GLIS3: variants seen among roughly 807,000 people sequenced by gnomAD.
GLIS3 encodes the protein zinc finger protein GLIS3.
Under a neutral mutation model 78.6 loss-of-function variants are expected in GLIS3, and 53 were observed. The observed-to-expected ratio is 0.67, with a 90% CI of 0.54 to 0.85. The LOEUF (loss-of-function observed/expected upper bound fraction) is 0.85. Among genes scored for constraint, GLIS3 ranks in the 40% least tolerant of loss-of-function variants. The pLI is 0.00. For synonymous variants in GLIS3, 684 were observed against 509.9 expected (o/e 1.34, Z -4.60); for missense variants, 1,703 against 1,231.1 (o/e 1.38, Z -5.74).
chr9:4,198,247 C>G (rs899273075), intron 2 of GLIS3, among the ~76,000 whole-genome samples: 1 of 152,048 alleles, frequency 6.6e-6, no homozygotes, highest in Non-Finnish European at 1.5e-5. Flanking sequence ...AAAAGCAACA[C>G]AAAGAAACTT....
chr9:4,444,327 T>A, the GLIS3 span, among the ~76,000 whole-genome samples: 2 of 152,216 alleles, frequency 1.3e-5, no homozygotes, highest in African/African-American at 2.4e-5. Flanking sequence ...TGTCCTTCTG[T>A]CCTCCCCATC....
chr9:4,374,555 G>A, the GLIS3 span, among the ~76,000 whole-genome samples: 5 of 152,300 alleles, frequency 3.3e-5, no homozygotes, highest in South Asian at 1.0e-3. Flanking sequence ...CACACATGGC[G>A]GCTGTCTCTC....
chr9:4,007,897 T>TG (rs397893258), intron 4 of GLIS3, among the ~76,000 whole-genome samples: 1,528 of 40,696 alleles, frequency 0.038, 19 homozygotes, highest in Middle Eastern at 0.11. Flanking sequence ...GGGTGGGCGT[T>TG]GGGGGGGGGG....
chr9:3,884,540 G>C (rs933883173), intron 7 of GLIS3, among the ~76,000 whole-genome samples: 1 of 152,200 alleles, frequency 6.6e-6, no homozygotes, highest in African/African-American at 2.4e-5. Flanking sequence ...GGGGTGCTGA[G>C]GCTGCTGGTA....
At chr9:4,343,445 ATGCTTATACAC>A (rs1817862023) in intron 2 of GLIS3, among the ~76,000 whole-genome samples, 1 of 152,240 alleles carries the variant, frequency 6.6e-6, no homozygotes, top group South Asian at 2.1e-4. Context: ...AGAAAAAGGA[ATGCTTATACAC>A]TGCTGGCAGA....
At chr9:4,108,115 G>C (rs918698908) in intron 4 of GLIS3, among the ~76,000 whole-genome samples, 2 of 152,180 alleles carry the variant, frequency 1.3e-5, no homozygotes, top group African/African-American at 4.8e-5. Flanking sequence ...AGCTCTGAGG[G>C]TGATAGTGAG....
chr9:4,019,209 C>A (rs1001225756), intron 4 of GLIS3, among the ~76,000 whole-genome samples: 1 of 152,156 alleles, frequency 6.6e-6, no homozygotes, highest in African/African-American at 2.4e-5. Flanking sequence ...TATGGAATGG[C>A]GTTTAAAGTT....
chr9:4,415,777 A>G, the GLIS3 span, among the ~76,000 whole-genome samples: 1 of 144,764 alleles, frequency 6.9e-6, no homozygotes, highest in African/African-American at 2.6e-5. Flanking sequence ...TCATATACAT[A>G]TTTTTTAAAA....
At chr9:4,142,996 G>A (rs959970203) in intron 2 of GLIS3, among the ~76,000 whole-genome samples, 1 of 151,930 alleles carries the variant, frequency 6.6e-6, no homozygotes, top group South Asian at 2.1e-4. Flanking sequence ...TAGCTGTTGG[G>A]TACTAGTTAG....
the GLIS3 span, among the ~76,000 whole-genome samples, chr9:4,448,351 C>T: frequency 0.048 from 7,248 of 152,278 alleles, 243 homozygotes; most frequent in Non-Finnish European, 0.072. Context: ...GCCACTCAGG[C>T]AGCCAGAACC....
intron 2 of GLIS3, among the ~76,000 whole-genome samples, chr9:4,133,437 G>C (rs1333135718): frequency 6.6e-6 from 1 of 152,152 alleles, no homozygotes; most frequent in Non-Finnish European, 1.5e-5. Context: ...CTCGACACTT[G>C]GGTACTAAAA....
intron 8 of GLIS3, among the ~76,000 whole-genome samples, chr9:3,875,231 G>C (rs1821236142): frequency 6.6e-6 from 1 of 152,206 alleles, no homozygotes; most frequent in Non-Finnish European, 1.5e-5. Context: ...TAATAAGTTA[G>C]ATCAACATTA....
chr9:4,013,150 G>T (rs553495997), intron 4 of GLIS3, among the ~76,000 whole-genome samples: 1 of 151,978 alleles, frequency 6.6e-6, no homozygotes, highest in South Asian at 2.1e-4. Flanking sequence ...TGCCTGTAAG[G>T]AAATTTGGGT....
Position 3,991,683 on chromosome 9 carries a change from A to AATTTTTTTTTTTTTTTTTTTTT in GLIS3, c.1711-54495_1711-54494insAAAAAAAAAAAAAAAAAAAAAT, listed in dbSNP as rs1265317427. On this transcript the variant is annotated intron_variant, in intron 4 of 10. Transcript: ENST00000381971. The stretch of plus-strand genomic sequence containing the variant: ...GTTCAGAATTTCATTAAGTAGGCTG[A>AATTTTTTTTTTTTTTTTTTTTT]TTTTTTTTTTTTTTTTTTTTTTTTT... 5.3e-4 allele frequency among the ~76,000 whole-genome samples: 47 copies of AATTTTTTTTTTTTTTTTTTTTT among 87,896 alleles called. 5 individuals are homozygous for AATTTTTTTTTTTTTTTTTTTTT. The highest frequency in any genetic ancestry group is 1.7e-3 in the African/African-American group (32 of 18,976). 57.7% of individuals were successfully genotyped at this position (87,896 alleles called of 152,430 possible). A position where few individuals can be genotyped will look rare whatever the true frequency, so the allele number is the denominator to read the frequency against.
upstream of GLIS3, among the ~76,000 whole-genome samples, chr9:4,304,890 CT>C (rs1817189967): frequency 6.6e-6 from 1 of 152,166 alleles, no homozygotes; most frequent in Non-Finnish European, 1.5e-5. Flanking sequence ...CATTTCTTTT[CT>C]TGTTTAACCC....
At chr9:4,077,724 C>T (rs905042178) in intron 4 of GLIS3, among the ~76,000 whole-genome samples, 1 of 152,082 alleles carries the variant, frequency 6.6e-6, no homozygotes, top group Non-Finnish European at 1.5e-5. Context: ...AGAGAAAGGG[C>T]GGGCTGGTCC....
chr9:3,987,426 G>T (rs184206318), intron 4 of GLIS3, among the ~76,000 whole-genome samples: 5 of 152,194 alleles, frequency 3.3e-5, no homozygotes, highest in Non-Finnish European at 7.4e-5. Flanking sequence ...AATGGGCTGG[G>T]TGCAGTGATT....
At chr9:3,872,928 A>C (rs1821060260) in intron 8 of GLIS3, among the ~76,000 whole-genome samples, 2 of 152,234 alleles carry the variant, frequency 1.3e-5, no homozygotes, top group Non-Finnish European at 2.9e-5. Context: ...ATATGAGCAG[A>C]ATAAAATGAA....
chr9:3,979,606 A>G (rs1169951709), intron 4 of GLIS3, among the ~76,000 whole-genome samples: 1 of 152,086 alleles, frequency 6.6e-6, no homozygotes, highest in Non-Finnish European at 1.5e-5. Context: ...TCTTATGTCT[A>G]GGTTAGGGCC....
Sources: allele counts gnomAD v4.1 joint callset (sites outside exome capture counted in the v4.1 genomes callset), GRCh38; gene constraint gnomAD v4.1.1; transcripts MANE v1.5; gene names NCBI Gene and HGNC (gene_info 2026-07-23, HGNC 2026-07-21).